RIC1: variants seen among roughly 807,000 people sequenced by gnomAD.
RIC1 encodes RIC1 partner of RAB6A GEF complex.
Under a neutral mutation model 169.0 loss-of-function variants are expected in RIC1, and 88 were observed. The observed-to-expected ratio is 0.52, with a 90% CI of 0.44 to 0.62. The LOEUF is 0.62. Ranked by LOEUF, RIC1 falls within the 20% of genes least tolerant of loss-of-function variation. RIC1 has a pLI of 0.00. For synonymous variants in RIC1, 790 were observed against 601.5 expected, an observed-to-expected ratio of 1.31 and a Z score of -4.59; for missense variants, 1,877 against 1,725.5, an observed-to-expected ratio of 1.09 and a Z score of -1.56.
chr9:5,713,883 C>T lies in RIC1; in HGVS notation c.333-13C>T, dbSNP rs773326891. ...TTCAGCATCTTTCTTTAACTCTATG[C>T]TGTTTGTTTTAGAGGAAGTCCACAA... On this transcript the variant is annotated splice_polypyrimidine_tract_variant and intron_variant, in intron 3 of 25. Coordinates refer to ENST00000414202, the MANE Select transcript of RIC1 (RefSeq NM_020829.4). The T allele has an allele frequency of 3.8e-6, 6 of 1,581,030 alleles. No homozygotes were observed. Among genetic ancestry groups the T allele is most frequent in the Non-Finnish European group, 4.3e-6 (5 of 1,150,674 alleles).
rs75111229 is a variant in RIC1, at chr9:5,663,605, C to T, written c.252+6915C>T. ...TTTTTTATCTTTTTTCATTTAAAGTCTGTTTTGTGAGAAACTAGGATCGCA... is the reference window on the plus strand; with the variant it reads ...TTTTTTATCTTTTTTCATTTAAAGTTTGTTTTGTGAGAAACTAGGATCGCA... On this transcript the variant is annotated intron_variant, in intron 2 of 25. Coordinates refer to ENST00000414202, the MANE Select transcript of RIC1 (RefSeq NM_020829.4). Among the ~76,000 whole-genome samples, 322 of 152,224 alleles carry T rather than the reference C, an allele frequency of 2.1e-3. 9 individuals carry two copies. The East Asian group carries it at 0.05, about 24-fold the overall frequency.
At chr9:5,735,430 C>T (rs752981197) in intron 7 of RIC1, among the ~76,000 whole-genome samples, 1 of 152,172 alleles carries the variant, frequency 6.6e-6, no homozygotes, top group Non-Finnish European at 1.5e-5. Flanking sequence ...AGTACTCCTC[C>T]CTAGGCTATG....
intron 2 of RIC1, among the ~76,000 whole-genome samples, chr9:5,675,570 C>A (rs1820391892): frequency 2.6e-5 from 4 of 152,090 alleles, no homozygotes; most frequent in Admixed American, 2.6e-4. Context: ...TTTCTTCTAA[C>A]TTCTTTGTTG....
intron 2 of RIC1, among the ~76,000 whole-genome samples, chr9:5,676,926 G>C (rs1563890177): frequency 2.0e-5 from 3 of 152,196 alleles, no homozygotes; most frequent in Admixed American, 1.3e-4. Context: ...CCATTCATCT[G>C]TTGATGGACA....
rs745914756 is a variant in RIC1 at position 5,768,980 on chromosome 9, G to A, written c.3148G>A (p.Asp1050Asn). ...TGTTTCCACTTACAGATGGAGCAAA[G>A]ACAGTGACTGTGCTGAGAACATGTA... ...SGPSGKRWSK[D>N]SDCAENMYID... Residue 1050 changes from aspartate to asparagine, a missense_variant, in exon 22 of 26, where the codon GAC (aspartate) becomes AAC (asparagine). Physicochemically the swap from Asp to Asn is conservative, Grantham distance 23 (BLOSUM62 1). Around this residue, in one of 3 missense-constraint regions of RIC1, gnomAD observed 681 missense variants for 582.0 expected, o/e 1.17. Transcript: ENST00000414202. The A allele has an allele frequency of 5.6e-6, 9 of 1,608,418 alleles. No homozygotes were observed. Among genetic ancestry groups the A allele is most frequent in the Non-Finnish European group, 6.8e-6 (8 of 1,177,914 alleles).
chr9:5,686,706 A>G (rs565088797), intron 2 of RIC1, among the ~76,000 whole-genome samples: 2 of 152,136 alleles, frequency 1.3e-5, no homozygotes, highest in African/African-American at 4.8e-5. Context: ...GCAGCGCACC[A>G]GTATGGCACA....
chr9:5,723,682 A>G (rs1823761391), intron 6 of RIC1, among the ~76,000 whole-genome samples: 1 of 152,102 alleles, frequency 6.6e-6, no homozygotes, highest in African/African-American at 2.4e-5. Flanking sequence ...TAGGGTTTTT[A>G]TGGTTTTAGG....
chr9:5,658,390 A>T (rs1437740070), intron 2 of RIC1, among the ~76,000 whole-genome samples: 1 of 152,124 alleles, frequency 6.6e-6, no homozygotes. Flanking sequence ...ATTCCTTCAC[A>T]AAAATAAAAT....
At chr9:5,670,605 T>C (rs934864109) in intron 2 of RIC1, among the ~76,000 whole-genome samples, 6 of 152,214 alleles carry the variant, frequency 3.9e-5, no homozygotes, top group African/African-American at 1.4e-4. Context: ...GTCATTTCAT[T>C]TTTATATATA....
intron 2 of RIC1, among the ~76,000 whole-genome samples, chr9:5,668,088 G>T (rs28814630): frequency 6.6e-6 from 1 of 152,070 alleles, no homozygotes; most frequent in Non-Finnish European, 1.5e-5. Flanking sequence ...CCCTCTTCAC[G>T]TGGTGGCAGG....
chr9:5,747,002 A>G (rs1404407980), intron 11 of RIC1, among the ~76,000 whole-genome samples: 2 of 152,194 alleles, frequency 1.3e-5, no homozygotes, highest in African/African-American at 4.8e-5. Flanking sequence ...TAAAATGGAA[A>G]AATGACAAGG....
intron 2 of RIC1, among the ~76,000 whole-genome samples, chr9:5,659,823 G>C (rs1403147498): frequency 1.3e-5 from 2 of 152,108 alleles, no homozygotes; most frequent in African/African-American, 4.8e-5. Flanking sequence ...CATTCCAAGT[G>C]TGTAGACATA....
At chr9:5,682,697 T>C (rs1820931201) in intron 2 of RIC1, among the ~76,000 whole-genome samples, 1 of 152,218 alleles carries the variant, frequency 6.6e-6, no homozygotes, top group Non-Finnish European at 1.5e-5. Flanking sequence ...TGAATTTGAA[T>C]GTTGGCCTGC....
chr9:5,704,739 G>A (rs1822456016), intron 3 of RIC1, among the ~76,000 whole-genome samples: 1 of 151,832 alleles, frequency 6.6e-6, no homozygotes, highest in East Asian at 1.9e-4. Context: ...GAAAACAATT[G>A]CCAAATGCAA....
chr9:5,763,247 C>T lies in RIC1; in HGVS notation c.2220C>T (p.Ser740=), dbSNP rs1472038768. 3.7e-6 allele frequency: 6 copies of T among 1,614,154 alleles called. No homozygotes were observed. The highest frequency in any genetic ancestry group is 4.5e-5 in the East Asian group (2 of 44,880). The change falls in exon 19 of 26, where the codon AGC becomes AGT. Residue 740 remains serine, a synonymous_variant. Transcript: ENST00000414202. This position sits in a 1 kb window ranked among gnomAD's most constrained non-coding sequence, Gnocchi z 5.2. ...ACCTTCTGGAGGCCCTCTGGCTGAGCTGTGGTGGTGCAGGGATGAAAGTTT... is the reference window on the plus strand; with the variant it reads ...ACCTTCTGGAGGCCCTCTGGCTGAGTTGTGGTGGTGCAGGGATGAAAGTTT... ...KRHLLEALWL[S]CGGAGMKVWL...
chr9:5,748,997 T>G (rs1563947833), intron 12 of RIC1, among the ~76,000 whole-genome samples: 2 of 152,188 alleles, frequency 1.3e-5, no homozygotes, highest in East Asian at 3.8e-4. Context: ...TTGATTGTTT[T>G]GTACTGCTGA....
Position 5,765,786 on chromosome 9 carries a change from C to T in RIC1, c.3125C>T (p.Pro1042Leu). 1 of 1,614,000 alleles carries T rather than the reference C, an allele frequency of 6.2e-7. No homozygotes were observed. ...AAAACACTAAGTATGCCATCTGGTC[C>T]CTCTGGAAAAAGGTAAAATAATAAA... ...LQKTLSMPSG[P>L]SGKRWSKDSD... is the part of the protein sequence containing the mutation. Residue 1042 changes from proline to leucine, a missense_variant, in exon 21 of 26, where the codon CCC becomes CTC. Around this residue, in one of 3 missense-constraint regions of RIC1, gnomAD observed 681 missense variants for 582.0 expected, o/e 1.17. Transcript: ENST00000414202.
At chr9:5,652,359 A>T (rs527543575) in intron 1 of RIC1, among the ~76,000 whole-genome samples, 1 of 152,152 alleles carries the variant, frequency 6.6e-6, no homozygotes, top group African/African-American at 2.4e-5. Context: ...ATATCTTTCC[A>T]TGTATTTGTG....
chr9:5,768,995 G>A lies in RIC1; in HGVS notation c.3163G>A (p.Glu1055Lys), dbSNP rs773294785. ...ATGGAGCAAAGACAGTGACTGTGCT[G>A]AGAACATGTATATTGACATGATGCT... Reference protein sequence around the residue: ...KRWSKDSDCAENMYIDMMLWR... With the variant: ...KRWSKDSDCAKNMYIDMMLWR... The change falls in exon 22 of 26, where the codon GAG becomes AAG. Residue 1055 changes from glutamate to lysine, a missense_variant. Glu to Lys is a moderately conservative substitution (Grantham distance 56). Around this residue, in one of 3 missense-constraint regions of RIC1, gnomAD observed 681 missense variants for 582.0 expected, o/e 1.17. Transcript: ENST00000414202. 1.2e-6 allele frequency: 2 copies of A among 1,612,868 alleles called. No individual in the cohort carries two copies. The highest frequency in any genetic ancestry group is 1.7e-5 in the Admixed American group (1 of 59,716).
Sources: gnomAD v4.1 joint callset for allele counts (sites outside exome capture counted in the v4.1 genomes callset) on GRCh38, gnomAD v4.1.1 for gene constraint, gnomAD v4.1.1 regional missense constraint, Gnocchi (gnomAD v3.1) non-coding constraint, MANE v1.5 for transcripts, NCBI Gene and HGNC (gene_info 2026-07-23, HGNC 2026-07-21) for gene names.